The following FBXO38 variants were observed in gnomAD, a reference collection of about 807,000 sequenced individuals.
The protein encoded by FBXO38 is F-box only protein 38.
In FBXO38, 53 loss-of-function variants were observed where a neutral mutation model predicts 131.9. The observed-to-expected ratio is 0.40, with a 90% CI of 0.32 to 0.51. The LOEUF (loss-of-function observed/expected upper bound fraction) is 0.51. Among genes scored for constraint, FBXO38 ranks in the 20% least tolerant of loss-of-function variants. The probability of loss-of-function intolerance (pLI) is 0.53; values close to 1 mark genes in which losing one functional copy is unlikely to be tolerated. For missense variants in FBXO38, 1,076 were observed against 1,475.6 expected, an observed-to-expected ratio of 0.73 and a Z score of 4.44; for synonymous variants, 452 against 505.6, an observed-to-expected ratio of 0.89 and a Z score of 1.42.
intron 3 of FBXO38, among the ~76,000 whole-genome samples, chr5:148,401,182 T>C (rs917524481): frequency 4.6e-5 from 7 of 152,142 alleles, no homozygotes; most frequent in Non-Finnish European, 8.8e-5. Context: ...ACCACTTTCA[T>C]TAAAAATAAA....
At chr5:148,387,443 T>C (rs1270346888) in intron 1 of FBXO38, among the ~76,000 whole-genome samples, 1 of 152,126 alleles carries the variant, frequency 6.6e-6, no homozygotes, top group Non-Finnish European at 1.5e-5. Flanking sequence ...CTGATGTCTT[T>C]TGTTGTTTAT....
At chr5:148,398,484 C>G (rs1581231855) in intron 2 of FBXO38, among the ~76,000 whole-genome samples, 1 of 150,096 alleles carries the variant, frequency 6.7e-6, no homozygotes, top group East Asian at 2.0e-4. Context: ...TACTATATGA[C>G]TAGTATACAT....
In FBXO38 at chr5:148,441,228, G is replaced by A. The variant is rs145662452; in HGVS notation, c.3379G>A (p.Asp1127Asn). The change falls in exon 21 of 22, where the codon GAT becomes AAT. Residue 1127 changes from aspartate to asparagine, a missense_variant. By Grantham distance (23) the Asp-to-Asn change is conservative (BLOSUM62 1). Coordinates refer to ENST00000340253, the MANE Select transcript of FBXO38 (RefSeq NM_205836.3). ...CTTCGCTCGATACGACTTTGAAGAC[G>A]ATGAAGAAAGTAATTATGACCTGAC... ...NSFARYDFED[D>N]EESTIYAPRR... 47 of 1,611,618 alleles carry A rather than the reference G, an allele frequency of 2.9e-5. No individual in the cohort carries two copies. In the African/African-American group the frequency reaches 5.1e-4, roughly 17 times the overall value.
At chr5:148,402,776 T>A (rs552888943) in intron 5 of FBXO38, among the ~76,000 whole-genome samples, 8 of 152,170 alleles carry the variant, frequency 5.3e-5, no homozygotes, top group Admixed American at 2.0e-4. Flanking sequence ...AAGTAAAAAG[T>A]GTAAATATTT....
chr5:148,390,637 C>T (rs1561510270), intron 1 of FBXO38, among the ~76,000 whole-genome samples: 1 of 152,192 alleles, frequency 6.6e-6, no homozygotes, highest in African/African-American at 2.4e-5. Context: ...TCCTGGAGAT[C>T]TAACCTCAGT....
chr5:148,439,737 GTC>G lies in FBXO38; in HGVS notation c.3116_3117del (p.Val1039AlafsTer3). The G allele has an allele frequency of 6.2e-7, 1 of 1,613,962 alleles. No homozygotes were observed. The highest frequency in any genetic ancestry group is 8.5e-7 in the Non-Finnish European group (1 of 1,179,944). On this transcript the variant is annotated frameshift_variant, in exon 19 of 22. Coordinates refer to ENST00000340253, the MANE Select transcript of FBXO38 (RefSeq NM_205836.3). LOFTEE classifies it high-confidence loss of function. ...CCATGAATTCAGTAACCCTCCCAAT[GTC>G]CGGAATAAGGTGCGCATTCGCAGCT... The part of the protein sequence containing the change: ...IIHEFSNPPN[V>X]RNKVRIRSWM...
intron 3 of FBXO38, 60 bp from the exon 4 acceptor site, chr5:148,401,922 C>A: frequency 6.8e-7 from 1 of 1,469,088 alleles, no homozygotes; most frequent in South Asian, 1.4e-5. Context: ...TCACGAGTGC[C>A]TAGTAAATGT....
At chr5:148,388,415 C>T (rs148013505) in intron 1 of FBXO38, among the ~76,000 whole-genome samples, 47 of 152,294 alleles carry the variant, frequency 3.1e-4, no homozygotes, top group African/African-American at 8.9e-4. Flanking sequence ...ATTTACTTCT[C>T]CCTAGCAGTG....
At chr5:148,430,149 A>G (rs1194879478) in intron 15 of FBXO38, 7 of 129,424 alleles carry the variant, frequency 5.4e-5, no homozygotes, top group Admixed American at 3.0e-4. Flanking sequence ...TATAATTATT[A>G]TTATTATTAT....
rs1754599784 is a variant in FBXO38, at chr5:148,440,270, GT to G, written c.3171-151del. The stretch of plus-strand genomic sequence containing the variant: ...GACCTGACTACACTTGGATTCTCTA[GT>G]TTGAGTGTATCCTACTTCCGTTAGG... On this transcript the variant is annotated intron_variant, in intron 19 of 21. Transcript: ENST00000340253. 1.4e-5 allele frequency: 8 copies of G among 589,324 alleles called. No homozygotes were observed. The East Asian group carries it at 2.3e-4, about 17-fold the overall frequency. The allele number at this position is 589,324 out of a possible 1,614,324, so 36.5% of individuals were successfully genotyped here.
At chr5:148,405,333 T>C (rs575393135) in intron 6 of FBXO38, among the ~76,000 whole-genome samples, 2 of 152,212 alleles carry the variant, frequency 1.3e-5, no homozygotes, top group East Asian at 1.9e-4. Flanking sequence ...GCATAGGCTT[T>C]TTCTTCTTCT....
intron 7 of FBXO38, among the ~76,000 whole-genome samples, chr5:148,407,699 C>CAGCAGATCGAGGTCATGA (rs1358664225): frequency 6.6e-6 from 1 of 151,472 alleles, no homozygotes; most frequent in Admixed American, 6.6e-5. Context: ...CCGAGGCGGG[C>CAGCAGATCGAGGTCATGA]GGATCATGAG....
At chr5:148,424,173 T>C in intron 13 of FBXO38, 56 bp downstream of exon 13, 1 of 1,548,062 alleles carries the variant, frequency 6.5e-7, no homozygotes. Context: ...CTAACTGTAA[T>C]GAAGTACATG....
chr5:148,385,392 T>C (rs967439809), intron 1 of FBXO38, among the ~76,000 whole-genome samples: 1 of 152,148 alleles, frequency 6.6e-6, no homozygotes, highest in African/African-American at 2.4e-5. Flanking sequence ...TAGGGTGATA[T>C]AGTGAAGTAA....
At chr5:148,409,354 A>G in intron 8 of FBXO38, 137 bp downstream of exon 8, 1 of 644,518 alleles carries the variant, frequency 1.6e-6, no homozygotes, top group South Asian at 1.8e-5. Context: ...AAATACGAAG[A>G]AGTCCAAATA....
At chr5:148,395,518 T>G (rs976008088) in intron 2 of FBXO38, among the ~76,000 whole-genome samples, 1 of 152,004 alleles carries the variant, frequency 6.6e-6, no homozygotes. Context: ...TTTCCACTGC[T>G]CTCTTCTTTC....
Position 148,433,643 on chromosome 5 carries a change from A to G in FBXO38, c.2763A>G (p.Val921=), listed in dbSNP as rs755064935. 6.2e-7 allele frequency: 1 copy of G among 1,600,024 alleles called. No individual in the cohort carries two copies. The highest frequency in any genetic ancestry group is 1.1e-5 in the South Asian group (1 of 87,638). ...VIEDDHVQVL[V]LKSKNLVGVT... ...AATTTTTCTGCTTGTAGGTTCTTGTATTAAAATCCAAGAATCTTGTTGGAG... is the reference window on the plus strand; with the variant it reads ...AATTTTTCTGCTTGTAGGTTCTTGTGTTAAAATCCAAGAATCTTGTTGGAG... The change falls in exon 17 of 22, where the codon GTA becomes GTG. Residue 921 remains valine (V), a synonymous_variant. Transcript: ENST00000340253.
At position 148,393,188 on chromosome 5, in the gene FBXO38, G is replaced by GGTGTGTGTGTGTGTGTGTGTGT. The variant is rs60593654; in HGVS notation, c.-63-1500_-63-1479dup. Among the ~76,000 whole-genome samples the GGTGTGTGTGTGTGTGTGTGTGT allele has an allele frequency of 1.4e-4, 18 of 127,082 alleles. 1 individual carries two copies. The highest frequency in any genetic ancestry group is 2.8e-4 in the South Asian group (1 of 3,536). 83.4% of individuals were successfully genotyped at this position (127,082 alleles called of 152,430 possible). ...TACTGGTTAGAAACAACAGAAGAGG[G>GGTGTGTGTGTGTGTGTGTGTGT]GTGTGTGTGTGTGTGTGTGTGTGTG... On this transcript the variant is annotated intron_variant, in intron 1 of 21. Transcript: ENST00000340253.
chr5:148,390,279 G>C (rs1758133395), intron 1 of FBXO38, among the ~76,000 whole-genome samples: 1 of 152,144 alleles, frequency 6.6e-6, no homozygotes, highest in Non-Finnish European at 1.5e-5. Flanking sequence ...GACCGAGGAA[G>C]CTTTTTATCT....
Sources: gnomAD v4.1 joint callset for allele counts (sites outside exome capture counted in the v4.1 genomes callset) on GRCh38, gnomAD v4.1.1 for gene constraint, MANE v1.5 for transcripts, NCBI Gene and HGNC (gene_info 2026-07-23, HGNC 2026-07-21) for gene names.